The following TSHZ2 variants were observed in gnomAD, a reference collection of about 807,000 sequenced individuals.
The protein encoded by TSHZ2 is teashirt homolog 2.
In TSHZ2, 21 loss-of-function variants were observed where a neutral mutation model predicts 74.4. That is an observed-to-expected ratio of 0.28 (90% CI 0.20 to 0.41). TSHZ2 has a LOEUF of 0.41. Ranked by LOEUF, TSHZ2 falls within the 10% of genes least tolerant of loss-of-function variation. The pLI, the probability that TSHZ2 is intolerant of heterozygous loss-of-function variation, is 1.00. For missense variants in TSHZ2, 1,244 were observed against 1,293.5 expected, an observed-to-expected ratio of 0.96 and a Z score of 0.59; for synonymous variants, 540 against 515.3, an observed-to-expected ratio of 1.05 and a Z score of -0.65.
At chr20:53,042,062 AC>A (rs11476784) in intron 1 of TSHZ2, among the ~76,000 whole-genome samples, 4,652 of 152,288 alleles carry the variant, frequency 0.031, 222 homozygotes, top group African/African-American at 0.1. Context: ...GAAAAAAAAA[AC>A]ATATGCCCAT....
At chr20:53,025,527 A>G (rs57411628) in intron 1 of TSHZ2, among the ~76,000 whole-genome samples, 9,109 of 152,178 alleles carry the variant, frequency 0.06, 654 homozygotes, top group African/African-American at 0.16. Context: ...TTAAGGAAGG[A>G]GCCAAGGATC....
chr20:53,392,737 A>T lies in TSHZ2; in HGVS notation c.*9-94407A>T, dbSNP rs73278236. Among the ~76,000 whole-genome samples, 927 of 152,202 alleles carry T rather than the reference A, an allele frequency of 6.1e-3. 10 individuals carry two copies. Among genetic ancestry groups the T allele is most frequent in the African/African-American group, 0.021 (887 of 41,542 alleles). The stretch of plus-strand genomic sequence containing the variant: ...AACTTCATCTATATTTCTTTGGGGT[A>T]CCTATGCAGGTTTGTTACATGGGTA... On this transcript the variant is annotated intron_variant, in intron 2 of 2. Coordinates refer to ENST00000371497, the MANE Select transcript of TSHZ2 (RefSeq NM_173485.6).
intron 1 of TSHZ2, among the ~76,000 whole-genome samples, chr20:53,140,948 C>T (rs970061973): frequency 6.6e-6 from 1 of 152,170 alleles, no homozygotes; most frequent in Non-Finnish European, 1.5e-5. Context: ...CTTTGTGTGT[C>T]TTGCATTTCA....
At chr20:53,472,612 G>C (rs769622998) in intron 2 of TSHZ2, among the ~76,000 whole-genome samples, 1 of 152,168 alleles carries the variant, frequency 6.6e-6, no homozygotes, top group Admixed American at 6.5e-5. Context: ...TTCAGAACTG[G>C]AAGATGCTGC....
At chr20:52,998,483 T>C (rs1195801850) in intron 1 of TSHZ2, among the ~76,000 whole-genome samples, 1 of 152,170 alleles carries the variant, frequency 6.6e-6, no homozygotes, top group Non-Finnish European at 1.5e-5. Context: ...TCTGCCCTCT[T>C]CTTGGTCTAG....
At position 53,264,875 on chromosome 20, in the gene TSHZ2, A is replaced by G. The variant is rs907838470; in HGVS notation, c.*8+8304A>G. On this transcript the variant is annotated intron_variant, in intron 2 of 2. Transcript: ENST00000371497. ...AATGATGGAAAACATGGCAGTGTGG[A>G]GGGCCAGAGGGCACCATGGCTTACA... Among the ~76,000 whole-genome samples the G allele has an allele frequency of 9.2e-5, 14 of 152,134 alleles. 1 individual carries two copies. Among genetic ancestry groups the G allele is most frequent in the African/African-American group, 3.4e-4 (14 of 41,436 alleles).
chr20:53,041,643 G>T (rs535245424), intron 1 of TSHZ2, among the ~76,000 whole-genome samples: 1 of 152,162 alleles, frequency 6.6e-6, no homozygotes, highest in Non-Finnish European at 1.5e-5. Context: ...GTTAATCCTC[G>T]GAGAACCCTG....
At chr20:53,370,681 T>A (rs1340012335) in intron 2 of TSHZ2, among the ~76,000 whole-genome samples, 1 of 152,044 alleles carries the variant, frequency 6.6e-6, no homozygotes. Flanking sequence ...GGAAGATCGG[T>A]TGAGGCCAGG....
chr20:53,331,183 A>G (rs1979708186), intron 2 of TSHZ2, among the ~76,000 whole-genome samples: 1 of 152,224 alleles, frequency 6.6e-6, no homozygotes, highest in Non-Finnish European at 1.5e-5. Flanking sequence ...TTGGTAGGGC[A>G]TAGTGATAAA....
intron 1 of TSHZ2, among the ~76,000 whole-genome samples, chr20:53,122,696 T>C (rs1364878296): frequency 5.9e-5 from 9 of 152,106 alleles, no homozygotes. Flanking sequence ...AGGATGGATA[T>C]TTTTCGGCAA....
At chr20:53,395,856 G>A (rs918036667) in intron 2 of TSHZ2, among the ~76,000 whole-genome samples, 1 of 152,246 alleles carries the variant, frequency 6.6e-6, no homozygotes, top group Non-Finnish European at 1.5e-5. Context: ...GGGAGCTAAA[G>A]GGAAGATGTT....
At chr20:53,481,955 T>C (rs1986159335) in intron 2 of TSHZ2, among the ~76,000 whole-genome samples, 1 of 151,686 alleles carries the variant, frequency 6.6e-6, no homozygotes, top group South Asian at 2.1e-4. Context: ...AAATACAAAA[T>C]TAGCCAGGCA....
intron 1 of TSHZ2, among the ~76,000 whole-genome samples, chr20:53,048,161 C>A (rs2123117942): frequency 6.6e-6 from 1 of 152,292 alleles, no homozygotes; most frequent in African/African-American, 2.4e-5. Flanking sequence ...GCCACAGTGT[C>A]ACAACATGGA....
Position 53,255,458 on chromosome 20 carries a change from C to G in TSHZ2, c.2000C>G (p.Pro667Arg), listed in dbSNP as rs747120015. The G allele has an allele frequency of 1.2e-6, 2 of 1,610,170 alleles. No homozygotes were observed. Among genetic ancestry groups the G allele is most frequent in the East Asian group, 2.2e-5 (1 of 44,890 alleles). Residue 667 changes from proline (P) to arginine (R), a missense_variant, in exon 2 of 3, where the codon CCC becomes CGC. Physicochemically the swap from Pro to Arg is moderately radical, Grantham distance 103. Transcript: ENST00000371497. The surrounding 1 kb of genome is among the most constrained non-coding windows in gnomAD (Gnocchi z 4.1). ...AAAGAGGGCAGCGAGAAGGAGAAAC[C>G]CCAGCCCCTGGAGCCCACATCTGCT... ...LMKEGSEKEKPQPLEPTSALS... is the reference protein window; with the variant it reads ...LMKEGSEKEKRQPLEPTSALS...
chr20:53,411,830 AAAAAT>A (rs1035380147), intron 2 of TSHZ2, among the ~76,000 whole-genome samples: 5 of 152,180 alleles, frequency 3.3e-5, no homozygotes, highest in African/African-American at 4.8e-5. Flanking sequence ...CCCTGCCTCA[AAAAAT>A]AAAATAAAAT....
At chr20:53,301,596 A>G (rs1195037351) in intron 2 of TSHZ2, among the ~76,000 whole-genome samples, 3 of 152,260 alleles carry the variant, frequency 2.0e-5, no homozygotes, top group African/African-American at 4.8e-5. Flanking sequence ...TACCTCAACC[A>G]AACGACGTAG....
intron 1 of TSHZ2, among the ~76,000 whole-genome samples, chr20:53,057,147 T>G (rs529670327): frequency 6.6e-6 from 1 of 152,328 alleles, no homozygotes; most frequent in African/African-American, 2.4e-5. Context: ...CCACCATGAT[T>G]GTGGGGCCTC....
chr20:53,106,226 G>A (rs1296468337), intron 1 of TSHZ2, among the ~76,000 whole-genome samples: 2 of 151,918 alleles, frequency 1.3e-5, no homozygotes, highest in East Asian at 3.9e-4. Context: ...CATTGACTGA[G>A]GTCTCCCTGA....
intron 2 of TSHZ2, among the ~76,000 whole-genome samples, chr20:53,312,860 C>A (rs1371712117): frequency 6.6e-6 from 1 of 152,148 alleles, no homozygotes; most frequent in East Asian, 1.9e-4. Flanking sequence ...GAACTTGTAG[C>A]CAAACACCTC....
Sources: gnomAD v4.1 joint callset for allele counts (sites outside exome capture counted in the v4.1 genomes callset) on GRCh38, gnomAD v4.1.1 for gene constraint, Gnocchi (gnomAD v3.1) non-coding constraint, MANE v1.5 for transcripts, NCBI Gene and HGNC (gene_info 2026-07-23, HGNC 2026-07-21) for gene names.